The following TRIM49C variants were observed in gnomAD, a reference collection of about 807,000 sequenced individuals.
The protein encoded by TRIM49C is tripartite motif-containing protein 49C.
In TRIM49C, 6 loss-of-function variants were observed where a neutral mutation model predicts 21.4. The ratio of observed to expected loss-of-function variants is 0.28; its 90% confidence interval spans 0.15 to 0.55. The LOEUF (loss-of-function observed/expected upper bound fraction) is 0.55, where lower values mean the gene tolerates loss of function less well. Among genes scored for constraint, TRIM49C ranks in the 20% least tolerant of loss-of-function variants. The probability of loss-of-function intolerance (pLI) is 0.94; values close to 1 mark genes in which losing one functional copy is unlikely to be tolerated. For synonymous variants in TRIM49C, 57 were observed against 148.1 expected (o/e 0.38, Z 4.47); for missense variants, 161 against 442.4 (o/e 0.36, Z 5.71).
intron 7 of TRIM49C, 38 bp from the exon 8 acceptor site, chr11:90,041,013 T>A (rs1229129750): frequency 6.8e-7 from 1 of 1,474,786 alleles, no homozygotes; most frequent in African/African-American, 1.5e-5. Context: ...TATTTACACA[T>A]GTCTATGCAT....
the TRIM49C span, chr11:90,052,068 C>G: frequency 3.5e-6 from 2 of 571,652 alleles, no homozygotes; most frequent in Non-Finnish European, 5.6e-6. Flanking sequence ...TGCCTGGCCA[C>G]AAGCTGCTCC....
chr11:90,072,453 T>C, the TRIM49C span, among the ~76,000 whole-genome samples: 16 of 145,008 alleles, frequency 1.1e-4, 2 homozygotes, highest in African/African-American at 3.8e-4. Flanking sequence ...AGATTTTCTC[T>C]TTAAGTATGA....
chr11:90,041,617 T>A lies in TRIM49C; in HGVS notation c.*67T>A. On this transcript the variant is annotated 3_prime_UTR_variant, in exon 8 of 8. Coordinates refer to ENST00000448984, the MANE Select transcript of TRIM49C (RefSeq NM_001195234.1). ...CCTTTATCCCAGGAAGTCCTCTTCC[T>A]TGTGCCTTAACATACAGGACAAATA... The A allele has an allele frequency of 2.4e-6, 2 of 843,902 alleles. No individual in the cohort carries two copies. The highest frequency in any genetic ancestry group is 3.3e-6 in the Non-Finnish European group (2 of 601,928). 52.3% of individuals were successfully genotyped at this position (843,902 alleles called of 1,614,324 possible).
At chr11:90,067,883 G>A in the TRIM49C span, among the ~76,000 whole-genome samples, 2 of 136,210 alleles carry the variant, frequency 1.5e-5, no homozygotes, top group East Asian at 4.5e-4. Flanking sequence ...TTCATGTTGA[G>A]TAATCAGAGA....
the TRIM49C span, chr11:90,057,494 A>G: frequency 2.2e-6 from 2 of 924,254 alleles, no homozygotes; most frequent in Non-Finnish European, 2.8e-6. Context: ...TAAAGTAATC[A>G]CATTCCATGA....
At chr11:90,071,334 A>C in the TRIM49C span, among the ~76,000 whole-genome samples, 1 of 140,996 alleles carries the variant, frequency 7.1e-6, no homozygotes, top group African/African-American at 2.6e-5. Flanking sequence ...GTTGAATGTT[A>C]CCTATGCCTC....
chr11:90,066,272 G>A, the TRIM49C span, among the ~76,000 whole-genome samples: 2 of 137,308 alleles, frequency 1.5e-5, 1 homozygote, highest in Non-Finnish European at 3.1e-5. Flanking sequence ...TGCCCACCTC[G>A]GCCTCCCAAA....
the TRIM49C span, among the ~76,000 whole-genome samples, chr11:90,070,737 T>C: frequency 2.1e-5 from 3 of 141,426 alleles, no homozygotes; most frequent in African/African-American, 7.6e-5. Flanking sequence ...GTGGTAATTC[T>C]AAAGTTTTCA....
At chr11:90,062,784 T>G in the TRIM49C span, 1 of 1,421,662 alleles carries the variant, frequency 7.0e-7, no homozygotes, top group Non-Finnish European at 9.3e-7. Context: ...GGAAGACAGC[T>G]TTTTGAGTAC....
intron 2 of TRIM49C, among the ~76,000 whole-genome samples, chr11:90,033,443 AAT>A (rs1950701007): frequency 7.4e-6 from 1 of 135,854 alleles, no homozygotes; most frequent in African/African-American, 2.6e-5. Flanking sequence ...TTATAATACC[AAT>A]ATGTTTACTG....
the TRIM49C span, among the ~76,000 whole-genome samples, chr11:90,069,516 A>T: frequency 3.8e-5 from 5 of 132,234 alleles, 1 homozygote; most frequent in East Asian, 1.1e-3. Context: ...TGGCTATTTC[A>T]TGTATTTCAG....
chr11:90,060,238 T>G, the TRIM49C span, among the ~76,000 whole-genome samples: 2 of 139,390 alleles, frequency 1.4e-5, no homozygotes, highest in African/African-American at 5.4e-5. Context: ...TTTTTTTTAG[T>G]GTAAACTCAC....
the TRIM49C span, among the ~76,000 whole-genome samples, chr11:90,067,785 A>G: frequency 1.4e-5 from 2 of 139,972 alleles, no homozygotes; most frequent in African/African-American, 5.1e-5. Flanking sequence ...TAAGAAAATA[A>G]AAAGAAAATA....
chr11:90,064,335 T>C, the TRIM49C span, among the ~76,000 whole-genome samples: 3 of 151,540 alleles, frequency 2.0e-5, no homozygotes, highest in Non-Finnish European at 4.4e-5. Context: ...ATAGCCAATA[T>C]TTCAACTATA....
chr11:90,039,919 A>AGTGAT lies in TRIM49C; in HGVS notation c.817_818insTGATG (p.Gly273ValfsTer8). ...AGCCTCTGAATCCAGAGCTCAGTGCAGGGCCCATCACTGGACTGAGGGACA... is the reference window on the plus strand; with the variant it reads ...AGCCTCTGAATCCAGAGCTCAGTGCAGTGATGGGCCCATCACTGGACTGAGGGACA... On this transcript the variant is annotated frameshift_variant, in exon 7 of 8. Coordinates refer to ENST00000448984, the MANE Select transcript of TRIM49C (RefSeq NM_001195234.1). LOFTEE classifies it low-confidence loss of function (END_TRUNC). The AGTGAT allele has an allele frequency of 8.1e-7, 1 of 1,230,756 alleles. No individual in the cohort carries two copies. Among genetic ancestry groups the AGTGAT allele is most frequent in the Non-Finnish European group, 1.1e-6 (1 of 936,162 alleles). 76.2% of individuals were successfully genotyped at this position (1,230,756 alleles called of 1,614,324 possible).
At chr11:90,033,581 A>G (rs1649952270) in intron 2 of TRIM49C, among the ~76,000 whole-genome samples, 1 of 131,050 alleles carries the variant, frequency 7.6e-6, no homozygotes, top group Non-Finnish European at 1.6e-5. Flanking sequence ...AATAGGCTAT[A>G]GTGTATACCA....
At chr11:90,043,850 C>T (rs1950786532), downstream of TRIM49C, among the ~76,000 whole-genome samples, 2 of 116,042 alleles carry the variant, frequency 1.7e-5, 1 homozygote, top group Non-Finnish European at 3.5e-5. Flanking sequence ...CATATGTATA[C>T]ATGTGCCATG....
the TRIM49C span, among the ~76,000 whole-genome samples, chr11:90,055,842 A>G: frequency 6.9e-6 from 1 of 144,096 alleles, no homozygotes; most frequent in Admixed American, 7.3e-5. Context: ...AGAGAAATGC[A>G]TCTTCTGAAT....
the TRIM49C span, among the ~76,000 whole-genome samples, chr11:90,047,840 G>A: frequency 4.9e-4 from 55 of 112,602 alleles, 13 homozygotes; most frequent in African/African-American, 2.0e-3. Context: ...TTGCTCATTA[G>A]TTGATGCAGT....
Sources: gnomAD v4.1 joint callset for allele counts (sites outside exome capture counted in the v4.1 genomes callset) on GRCh38, gnomAD v4.1.1 for gene constraint, MANE v1.5 for transcripts, NCBI Gene and HGNC (gene_info 2026-07-23, HGNC 2026-07-21) for gene names.